The following RASAL2 variants were observed in gnomAD, a reference collection of about 807,000 sequenced individuals.
RASAL2 encodes the protein ras GTPase-activating protein nGAP.
A neutral mutation model predicts 128.9 loss-of-function variants in RASAL2; 58 were observed. The ratio of observed to expected loss-of-function variants is 0.45; its 90% CI spans 0.36 to 0.56. The LOEUF is 0.56. Ranked by LOEUF, RASAL2 falls within the 20% of genes least tolerant of loss-of-function variation. RASAL2 has a pLI of 0.00. For missense variants in RASAL2, 1,360 were observed against 1,601.6 expected (o/e 0.85, Z 2.57); for synonymous variants, 561 against 580.8 (o/e 0.97, Z 0.49).
intron 1 of RASAL2, among the ~76,000 whole-genome samples, chr1:178,096,536 C>T (rs1430244658): frequency 1.3e-5 from 2 of 150,712 alleles, no homozygotes; most frequent in African/African-American, 2.4e-5. Flanking sequence ...TTTTTTCTTT[C>T]GTCCTTCTGA....
chr1:178,263,158 A>G (rs914093134), intron 1 of RASAL2, among the ~76,000 whole-genome samples: 6 of 152,180 alleles, frequency 3.9e-5, no homozygotes, highest in Non-Finnish European at 5.9e-5. Flanking sequence ...CACAGTTTAA[A>G]TCAGTTTTTT....
At chr1:178,285,408 C>T (rs1666982054) in intron 2 of RASAL2, among the ~76,000 whole-genome samples, 1 of 152,246 alleles carries the variant, frequency 6.6e-6, no homozygotes, top group African/African-American at 2.4e-5. Flanking sequence ...GCATGAGCCA[C>T]CGCGCCCGGC....
intron 3 of RASAL2, among the ~76,000 whole-genome samples, chr1:178,319,844 C>T (rs1203017249): frequency 3.3e-5 from 5 of 152,246 alleles, no homozygotes; most frequent in African/African-American, 4.8e-5. Context: ...TGAGGAACTG[C>T]GTTCCTTTGG....
At chr1:178,326,614 G>A (rs987607180) in intron 3 of RASAL2, among the ~76,000 whole-genome samples, 5 of 151,872 alleles carry the variant, frequency 3.3e-5, no homozygotes, top group East Asian at 1.9e-4. Context: ...GCACAATCTC[G>A]GCTCACCACA....
At chr1:178,126,521 A>G (rs537503329) in intron 1 of RASAL2, among the ~76,000 whole-genome samples, 32 of 152,336 alleles carry the variant, frequency 2.1e-4, no homozygotes, top group South Asian at 1.9e-3. Flanking sequence ...AAGAAACACC[A>G]TTCTTTTAGT....
intron 1 of RASAL2, among the ~76,000 whole-genome samples, chr1:178,229,170 A>G (rs1228250271): frequency 2.6e-5 from 4 of 152,156 alleles, no homozygotes; most frequent in Non-Finnish European, 4.4e-5. Context: ...CTATCCCTAA[A>G]TCCTTCTGTG....
At chr1:178,278,709 A>G (rs982768289) in intron 1 of RASAL2, among the ~76,000 whole-genome samples, 7 of 152,106 alleles carry the variant, frequency 4.6e-5, no homozygotes, top group African/African-American at 1.4e-4. Flanking sequence ...TCTGCTTTCT[A>G]TCAGATCCCT....
intron 3 of RASAL2, among the ~76,000 whole-genome samples, chr1:178,374,125 A>G (rs993222116): frequency 1.3e-5 from 2 of 152,130 alleles, no homozygotes; most frequent in African/African-American, 2.4e-5. Flanking sequence ...TCTCCTGACC[A>G]TAGGCAGCAA....
rs11799774 is a variant in RASAL2 at position 178,175,965 on chromosome 1, A to T, written c.202+81271A>T. ...TTTATTCACTTATTGGTTGATGGGC[A>T]CTTAGGTTAGTTCCATGTCTTTGCA... On this transcript the variant is annotated intron_variant, in intron 1 of 17. Coordinates refer to ENST00000367649, the MANE Select transcript of RASAL2 (RefSeq NM_170692.4). 5.6e-3 allele frequency among the ~76,000 whole-genome samples: 850 copies of T among 152,252 alleles called. 11 individuals carry two copies. The highest frequency in any genetic ancestry group is 0.019 in the African/African-American group (796 of 41,534).
chr1:178,234,763 A>G lies in RASAL2; in HGVS notation c.203-48801A>G, dbSNP rs569639387. On this transcript the variant is annotated intron_variant, in intron 1 of 17. Coordinates refer to ENST00000367649, the MANE Select transcript of RASAL2 (RefSeq NM_170692.4). ...ATTAAGAAAATTTCAGCCTCTCATT[A>G]TTAGGAGATTGAACGTATCATCAAA... Among the ~76,000 whole-genome samples, 175 of 152,262 alleles carry G rather than the reference A, an allele frequency of 1.1e-3. 1 individual carries two copies. Among genetic ancestry groups the G allele is most frequent in the Middle Eastern group, 6.8e-3 (2 of 294 alleles).
chr1:178,162,401 AT>A (rs753380011), intron 1 of RASAL2, among the ~76,000 whole-genome samples: 4,210 of 114,028 alleles, frequency 0.037, 95 homozygotes, highest in Non-Finnish European at 0.057. Flanking sequence ...TATATTATAT[AT>A]TTTATATATT....
intron 4 of RASAL2, among the ~76,000 whole-genome samples, chr1:178,393,342 C>G (rs932540846): frequency 7.2e-5 from 11 of 152,182 alleles, no homozygotes; most frequent in Non-Finnish European, 1.3e-4. Context: ...ACGGTCCCAT[C>G]TGGGGGTGAT....
chr1:178,294,479 C>T (rs1185641929), intron 2 of RASAL2, among the ~76,000 whole-genome samples: 1 of 152,212 alleles, frequency 6.6e-6, no homozygotes, highest in Admixed American at 6.5e-5. Flanking sequence ...AGTGAAGAAA[C>T]TGTTGCAGGA....
chr1:178,181,370 T>C (rs1157985491), intron 1 of RASAL2, among the ~76,000 whole-genome samples: 4 of 151,948 alleles, frequency 2.6e-5, no homozygotes, highest in African/African-American at 9.7e-5. Context: ...AATTTTTTTT[T>C]TTTTTGAGGC....
chr1:178,410,671 G>GA (rs955599476), intron 4 of RASAL2, among the ~76,000 whole-genome samples: 81 of 141,712 alleles, frequency 5.7e-4, no homozygotes, highest in East Asian at 1.6e-3. Flanking sequence ...AACAAATCAA[G>GA]AAAAAAAAAA....
At chr1:178,395,108 A>G (rs961732401) in intron 4 of RASAL2, among the ~76,000 whole-genome samples, 1 of 152,146 alleles carries the variant, frequency 6.6e-6, no homozygotes, top group Non-Finnish European at 1.5e-5. Context: ...CCATTGTCCA[A>G]ACTAGGGGTT....
chr1:178,138,130 CTT>C (rs1660394602), intron 1 of RASAL2, among the ~76,000 whole-genome samples: 1 of 152,206 alleles, frequency 6.6e-6, no homozygotes, highest in South Asian at 2.1e-4. Context: ...TTTTTGGAAA[CTT>C]GAGTTAAGAA....
At chr1:178,453,934 G>A (rs967609392) in intron 11 of RASAL2, among the ~76,000 whole-genome samples, 11 of 151,916 alleles carry the variant, frequency 7.2e-5, no homozygotes, top group African/African-American at 2.2e-4. Context: ...ATCGATATTT[G>A]AGCTAAAAAT....
intron 3 of RASAL2, among the ~76,000 whole-genome samples, chr1:178,352,813 C>G (rs1475008375): frequency 6.6e-6 from 1 of 152,238 alleles, no homozygotes; most frequent in East Asian, 1.9e-4. Context: ...TGTGTACCCA[C>G]AGGCTTAACA....
Sources: allele counts gnomAD v4.1 joint callset (sites outside exome capture counted in the v4.1 genomes callset), GRCh38; gene constraint gnomAD v4.1.1; transcripts MANE v1.5; gene names NCBI Gene and HGNC (gene_info 2026-07-23, HGNC 2026-07-21).